Variants in MAML3 observed in about 807,000 individuals in gnomAD.
MAML3 encodes the protein mastermind-like protein 3.
In MAML3, 27 loss-of-function variants were observed where a neutral mutation model predicts 101.9. The observed-to-expected ratio is 0.27, with a 90% confidence interval of 0.20 to 0.37. The LOEUF (loss-of-function observed/expected upper bound fraction) is 0.37. Ranked by LOEUF, MAML3 falls within the 10% of genes least tolerant of loss-of-function variation. The pLI is 1.00. For missense variants in MAML3, 1,316 were observed against 1,444.9 expected (o/e 0.91, Z 1.45); for synonymous variants, 501 against 555.9 (o/e 0.90, Z 1.39).
chr4:139,764,393 C>A (rs116523491), intron 2 of MAML3, among the ~76,000 whole-genome samples: 2 of 152,206 alleles, frequency 1.3e-5, no homozygotes, highest in Non-Finnish European at 2.9e-5. Flanking sequence ...GACAAGGGGA[C>A]GTCTGTGCCC....
intron 2 of MAML3, among the ~76,000 whole-genome samples, chr4:139,814,397 A>G (rs1327379860): frequency 1.3e-5 from 2 of 152,190 alleles, no homozygotes; most frequent in Non-Finnish European, 2.9e-5. Context: ...ATACTGACTA[A>G]AAAACAAAAC....
intron 1 of MAML3, among the ~76,000 whole-genome samples, chr4:139,945,787 C>T (rs1427246117): frequency 6.6e-6 from 1 of 152,122 alleles, no homozygotes; most frequent in Non-Finnish European, 1.5e-5. Context: ...CATGATTTTG[C>T]CAATGCAGTT....
At chr4:139,923,643 C>T (rs1176738404) in intron 1 of MAML3, among the ~76,000 whole-genome samples, 1 of 136,400 alleles carries the variant, frequency 7.3e-6, no homozygotes, top group Admixed American at 7.9e-5. Flanking sequence ...TGTGTGTGTA[C>T]ACCTTTTAAT....
intron 1 of MAML3, among the ~76,000 whole-genome samples, chr4:139,892,144 A>G (rs2111201219): frequency 6.6e-6 from 1 of 152,336 alleles, no homozygotes; most frequent in South Asian, 2.1e-4. Flanking sequence ...GTCAGCCTAG[A>G]GAAGATAGTT....
At chr4:139,775,710 T>C (rs749106826) in intron 2 of MAML3, among the ~76,000 whole-genome samples, 6 of 152,200 alleles carry the variant, frequency 3.9e-5, no homozygotes, top group Admixed American at 2.6e-4. Flanking sequence ...TGTTTCATTG[T>C]TGTTGTTTCT....
At chr4:140,006,585 C>CAAAAAAA (rs34273207) in intron 1 of MAML3, among the ~76,000 whole-genome samples, 1 of 93,286 alleles carries the variant, frequency 1.1e-5, no homozygotes, top group East Asian at 3.1e-4. Flanking sequence ...AACTCTGTCT[C>CAAAAAAA]AAAAAAAAAA....
intron 1 of MAML3, among the ~76,000 whole-genome samples, chr4:140,148,820 A>G (rs1196910271): frequency 6.6e-6 from 1 of 152,224 alleles, no homozygotes; most frequent in Non-Finnish European, 1.5e-5. Context: ...TATTAAATGC[A>G]TGTTATGAAT....
intron 2 of MAML3, among the ~76,000 whole-genome samples, chr4:139,795,687 T>G (rs374126781): frequency 2.0e-4 from 30 of 152,170 alleles, no homozygotes; most frequent in African/African-American, 6.5e-4. Context: ...AGAGATGCAG[T>G]GTCTTGAAAG....
chr4:140,113,297 A>C (rs1728467962), intron 1 of MAML3, among the ~76,000 whole-genome samples: 1 of 152,038 alleles, frequency 6.6e-6, no homozygotes, highest in African/African-American at 2.4e-5. Context: ...AAATAAATAA[A>C]ATAAAATTAC....
chr4:139,864,890 A>C (rs560488924), intron 2 of MAML3, among the ~76,000 whole-genome samples: 13 of 147,388 alleles, frequency 8.8e-5, no homozygotes, highest in Non-Finnish European at 1.5e-5. Flanking sequence ...ATATGGATAA[A>C]AATACATTTA....
At chr4:139,746,977 G>A (rs1729346777) in intron 2 of MAML3, among the ~76,000 whole-genome samples, 3 of 152,272 alleles carry the variant, frequency 2.0e-5, no homozygotes, top group Middle Eastern at 6.8e-3. Context: ...GCCACCGGCC[G>A]TGGCTTTCCC....
chr4:140,007,787 AT>A (rs1448084276), intron 1 of MAML3, among the ~76,000 whole-genome samples: 1 of 152,072 alleles, frequency 6.6e-6, no homozygotes, highest in Non-Finnish European at 1.5e-5. Context: ...CTCCCACACC[AT>A]CCTGAAGAAG....
chr4:139,740,225 G>C (rs1729113864), intron 2 of MAML3: 1 of 152,218 alleles, frequency 6.6e-6, no homozygotes, highest in Admixed American at 6.5e-5. Flanking sequence ...TGAAGCCACA[G>C]TGCATGGCCA....
chr4:140,025,973 G>T (rs1179801887), intron 1 of MAML3, among the ~76,000 whole-genome samples: 1 of 152,100 alleles, frequency 6.6e-6, no homozygotes, highest in Non-Finnish European at 1.5e-5. Flanking sequence ...GATCACTGTG[G>T]CTATGTCATA....
intron 1 of MAML3, among the ~76,000 whole-genome samples, chr4:140,105,905 G>A (rs1157491277): frequency 6.6e-6 from 1 of 152,050 alleles, no homozygotes; most frequent in African/African-American, 2.4e-5. Flanking sequence ...ATAGCTGAAT[G>A]CGAGGTGGCT....
At chr4:140,091,992 A>C (rs1728059484) in intron 1 of MAML3, among the ~76,000 whole-genome samples, 1 of 151,048 alleles carries the variant, frequency 6.6e-6, no homozygotes, top group African/African-American at 2.4e-5. Flanking sequence ...ACACTCCAAA[A>C]AGCAGTGGGG....
In MAML3 at chr4:140,076,019, C is replaced by T. The variant is rs557568393; in HGVS notation, c.468+76841G>A. 1.5e-4 allele frequency among the ~76,000 whole-genome samples: 23 copies of T among 152,158 alleles called. 1 individual carries two copies. The East Asian group carries it at 1.9e-3, about 13-fold the overall frequency. ...TCAAGGGATCCACCTGCCTTGGCCT[C>T]CCAAAGTGCTGGGATTACAGGCGTG... On this transcript the variant is annotated intron_variant, in intron 1 of 4. Coordinates refer to ENST00000509479, the MANE Select transcript of MAML3 (RefSeq NM_018717.5).
Position 139,718,197 on chromosome 4 carries a change from C to T in MAML3, c.*1126G>A, listed in dbSNP as rs2110947574. 6.6e-6 allele frequency: 1 copy of T among 152,310 alleles called. No individual in the cohort carries two copies. Among genetic ancestry groups the T allele is most frequent in the African/African-American group, 2.4e-5 (1 of 41,550 alleles). The allele number at this position is 152,310 out of a possible 1,614,324, so 9.4% of individuals were successfully genotyped here. The stretch of plus-strand genomic sequence containing the variant: ...GATGTGGCTCACAAAAAACCGACTC[C>T]CAAACATCAGAGCAGCCCTCTTGGT... On this transcript the variant is annotated 3_prime_UTR_variant, in exon 5 of 5. Coordinates refer to ENST00000509479, the MANE Select transcript of MAML3 (RefSeq NM_018717.5).
At chr4:140,057,078 C>T (rs556324038) in intron 1 of MAML3, among the ~76,000 whole-genome samples, 1 of 152,290 alleles carries the variant, frequency 6.6e-6, no homozygotes, top group Admixed American at 6.5e-5. Context: ...AACCAGTGCC[C>T]AGCCTGGGCA....
Sources: gnomAD v4.1 joint callset for allele counts (sites outside exome capture counted in the v4.1 genomes callset) on GRCh38, gnomAD v4.1.1 for gene constraint, MANE v1.5 for transcripts, NCBI Gene and HGNC (gene_info 2026-07-23, HGNC 2026-07-21) for gene names.